The following LILRA2 variants were observed in gnomAD, a reference collection of about 807,000 sequenced individuals.
The protein encoded by LILRA2 is leukocyte immunoglobulin like receptor A2.
In LILRA2, 45 loss-of-function variants were observed where a neutral mutation model predicts 47.9. That is an observed-to-expected ratio of 0.94 (90% CI 0.74 to 1.20). The LOEUF (loss-of-function observed/expected upper bound fraction) is 1.20. Ranked by LOEUF, LILRA2 falls within the 50% of genes most tolerant of loss-of-function variation. LILRA2 has a pLI of 0.00. For missense variants in LILRA2, 651 were observed against 598.2 expected, an observed-to-expected ratio of 1.09 and a Z score of -0.92; for synonymous variants, 279 against 249.2, an observed-to-expected ratio of 1.12 and a Z score of -1.13.
chr19:54,575,645 G>C, intron 5 of LILRA2, 93 bp downstream of exon 5: 1 of 1,575,690 alleles, frequency 6.3e-7, no homozygotes, highest in Non-Finnish European at 8.6e-7. Flanking sequence ...GAGGGTTGGG[G>C]GTCCCAAGGG....
chr19:54,587,819 A>C lies in LILRA2; in HGVS notation c.*473A>C. ...TCAGATTCCAACCAGGAAAACATAA[A>C]TCCACCCTGCTGCCCTGACACCCTC... On this transcript the variant is annotated 3_prime_UTR_variant, in exon 8 of 8. Transcript: ENST00000391738. 2 of 164,728 alleles carry C rather than the reference A, an allele frequency of 1.2e-5. No homozygotes were observed. The highest frequency in any genetic ancestry group is 2.7e-5 in the Non-Finnish European group (2 of 74,978). The allele number at this position is 164,728 out of a possible 1,614,324, so 10.2% of individuals were successfully genotyped here.
chr19:54,578,531 A>G (rs1443429063), intron 6 of LILRA2, among the ~76,000 whole-genome samples: 3 of 152,170 alleles, frequency 2.0e-5, no homozygotes, highest in Non-Finnish European at 4.4e-5. Context: ...ACTGATGGAC[A>G]TTTGGGTTGG....
At position 54,587,007 on chromosome 19, in the gene LILRA2, C is replaced by T; in HGVS notation, c.1256-3C>T. 1 of 1,610,688 alleles carries T rather than the reference C, an allele frequency of 6.2e-7. No individual in the cohort carries two copies. The highest frequency in any genetic ancestry group is 8.5e-7 in the Non-Finnish European group (1 of 1,177,870). Reference sequence around the variant, plus strand: ...GGCTCTTCTCCACTGTTTTGATTCTCAGAAGCAGCTGAGACCCTCAGCCCA... The same window carrying T: ...GGCTCTTCTCCACTGTTTTGATTCTTAGAAGCAGCTGAGACCCTCAGCCCA... On this transcript the variant is annotated splice_polypyrimidine_tract_variant and splice_region_variant and intron_variant, in intron 6 of 7. Transcript: ENST00000391738.
chr19:54,582,279 G>A (rs1434334349), intron 6 of LILRA2, among the ~76,000 whole-genome samples: 1 of 152,198 alleles, frequency 6.6e-6, no homozygotes, highest in African/African-American at 2.4e-5. Flanking sequence ...TCAGGATGAT[G>A]CTAGCCTCAT....
At chr19:54,576,331 GGGGGGGC>G (rs2062435699) in intron 6 of LILRA2, among the ~76,000 whole-genome samples, 1 of 78,658 alleles carries the variant, frequency 1.3e-5, no homozygotes, top group Non-Finnish European at 2.9e-5. Flanking sequence ...AGACGGGGGC[GGGGGGGC>G]GGGTGGTGAA....
chr19:54,580,295 C>T (rs553826344), intron 6 of LILRA2, among the ~76,000 whole-genome samples: 3 of 114,544 alleles, frequency 2.6e-5, no homozygotes, highest in Admixed American at 9.0e-5. Flanking sequence ...TGGTGTGCTG[C>T]ACCCACTAAT....
Position 54,575,798 on chromosome 19 carries a change from T to C in LILRA2, c.953-9T>C, listed in dbSNP as rs2062398435. 2 of 1,611,582 alleles carry C rather than the reference T, an allele frequency of 1.2e-6. No individual in the cohort carries two copies. Among genetic ancestry groups the C allele is most frequent in the Non-Finnish European group, 1.7e-6 (2 of 1,179,310 alleles). On this transcript the variant is annotated splice_polypyrimidine_tract_variant and intron_variant, in intron 5 of 7. Transcript: ENST00000391738. ...GGGGCAGCCCCTCACCCATCCTTCT[T>C]CTCTCTAGGACAGTTCTATGACAGA...
chr19:54,577,557 G>C, intron 6 of LILRA2: 1 of 1,289,748 alleles, frequency 7.8e-7, no homozygotes, highest in Non-Finnish European at 1.0e-6. Context: ...GGTGGGATCT[G>C]ACTGTGATGA....
rs957657755 is a variant in LILRA2, at chr19:54,590,036, T to C, written c.*2690T>C. 1 of 152,042 alleles carries C rather than the reference T, an allele frequency of 6.6e-6. No homozygotes were observed. The highest frequency in any genetic ancestry group is 1.5e-5 in the Non-Finnish European group (1 of 68,030). 9.4% of individuals were successfully genotyped at this position (152,042 alleles called of 1,614,324 possible). ...TGCTCTATCATAGTTAAGACATTAA[T>C]GTTATTTATGAATTTGTGCACATTA... On this transcript the variant is annotated 3_prime_UTR_variant, in exon 8 of 8. Coordinates refer to ENST00000391738, the MANE Select transcript of LILRA2 (RefSeq NM_001130917.3).
intron 6 of LILRA2, among the ~76,000 whole-genome samples, chr19:54,576,543 C>T (rs578047749): frequency 6.6e-6 from 1 of 152,408 alleles, no homozygotes; most frequent in Non-Finnish European, 1.5e-5. Context: ...TATTCAGGGT[C>T]TGATTTCCAG....
upstream of LILRA2, chr19:54,573,417 T>C: frequency 1.0e-6 from 1 of 987,444 alleles, no homozygotes; most frequent in Non-Finnish European, 1.6e-6. Flanking sequence ...TCTCCAGGGC[T>C]GGAGGGACGA....
Position 54,588,386 on chromosome 19 carries a change from G to C in LILRA2, c.*1040G>C, listed in dbSNP as rs573136405. The C allele has an allele frequency of 6.6e-6, 1 of 151,566 alleles. No homozygotes were observed. Among genetic ancestry groups the C allele is most frequent in the Non-Finnish European group, 1.5e-5 (1 of 67,974 alleles). 9.4% of individuals were successfully genotyped at this position (151,566 alleles called of 1,614,324 possible). ...TGGGAGGCCAAGGCAGGCAGATCAC[G>C]AGGTCAGGAGATCTAGACCATCCTG... On this transcript the variant is annotated 3_prime_UTR_variant, in exon 8 of 8. Coordinates refer to ENST00000391738, the MANE Select transcript of LILRA2 (RefSeq NM_001130917.3).
chr19:54,581,930 T>C (rs541274876), intron 6 of LILRA2, among the ~76,000 whole-genome samples: 1 of 152,346 alleles, frequency 6.6e-6, no homozygotes, highest in South Asian at 2.1e-4. Flanking sequence ...ATAGCTGTTA[T>C]TATTTTGAGA....
In LILRA2 at chr19:54,575,041, A is replaced by G. The variant is rs755338729; in HGVS notation, c.655+8A>G. On this transcript the variant is annotated splice_region_variant and intron_variant, in intron 4 of 7. Transcript: ENST00000391738. Reference sequence around the variant, plus strand: ...TGGAGCTCCTGGTCCCAGGTGAGAAATTCACAGAATTGCTTGGAGTTCCCT... The same window carrying G: ...TGGAGCTCCTGGTCCCAGGTGAGAAGTTCACAGAATTGCTTGGAGTTCCCT... 1 of 1,611,064 alleles carries G rather than the reference A, an allele frequency of 6.2e-7. No individual in the cohort carries two copies. Among genetic ancestry groups the G allele is most frequent in the Non-Finnish European group, 8.5e-7 (1 of 1,178,140 alleles).
chr19:54,573,978 G>T, intron 1 of LILRA2, 66 bp downstream of exon 1: 1 of 1,613,286 alleles, frequency 6.2e-7, no homozygotes, highest in Non-Finnish European at 8.5e-7. Context: ...CCAAACTCTG[G>T]TCCCTAAGGA....
rs751081380 is a variant in LILRA2 at position 54,573,859 on chromosome 19, GGGCAGT to G, written c.-17_-12del. On this transcript the variant is annotated 5_prime_UTR_variant, in exon 1 of 8. Coordinates refer to ENST00000391738, the MANE Select transcript of LILRA2 (RefSeq NM_001130917.3). ...TGAGGGCTCATCCATCCGCAGAGCA[GGGCAGT>G]GGGAGGAGACGCCATGACCCCCATC... 1.4e-5 allele frequency: 22 copies of G among 1,614,036 alleles called. No homozygotes were observed. The highest frequency in any genetic ancestry group is 1.6e-4 in the Middle Eastern group (1 of 6,084).
rs1441790531 is a variant in LILRA2, at chr19:54,587,616, C to CA, written c.*271dup. 1.6e-5 allele frequency: 9 copies of CA among 566,804 alleles called. No individual in the cohort carries two copies. Among genetic ancestry groups the CA allele is most frequent in the Non-Finnish European group, 2.5e-5 (8 of 325,778 alleles). 35.1% of individuals were successfully genotyped at this position (566,804 alleles called of 1,614,324 possible). On this transcript the variant is annotated 3_prime_UTR_variant, in exon 8 of 8. Transcript: ENST00000391738. ...TTTCCCATCCCCAGACATGAGGCTC[C>CA]ATCCCACATGGCACCGTTGGGTCCA...
chr19:54,573,782 G>T (rs140954265), upstream of LILRA2: 14 of 1,602,990 alleles, frequency 8.7e-6, no homozygotes, highest in South Asian at 1.5e-4. Flanking sequence ...TGACAAGAAG[G>T]ATCCAGCCTC....
chr19:54,583,705 T>C (rs1220547886), intron 6 of LILRA2, among the ~76,000 whole-genome samples: 1 of 152,194 alleles, frequency 6.6e-6, no homozygotes, highest in Non-Finnish European at 1.5e-5. Flanking sequence ...AGCACACTGA[T>C]GGGTCTTGAT....
Sources: gnomAD v4.1 joint callset for allele counts (sites outside exome capture counted in the v4.1 genomes callset) on GRCh38, gnomAD v4.1.1 for gene constraint, MANE v1.5 for transcripts, NCBI Gene and HGNC (gene_info 2026-07-23, HGNC 2026-07-21) for gene names.